Variants in ARHGEF3 observed in about 807,000 individuals in gnomAD.
The protein encoded by ARHGEF3 is Rho guanine nucleotide exchange factor 3.
A neutral mutation model predicts 63.2 loss-of-function variants in ARHGEF3; 28 were observed. The observed-to-expected ratio is 0.44, with a 90% CI of 0.33 to 0.61. The LOEUF (loss-of-function observed/expected upper bound fraction) is 0.61, where lower values mean the gene tolerates loss of function less well. ARHGEF3 is among the 20% of genes least tolerant of loss of function. The probability of loss-of-function intolerance (pLI) is 0.03; values close to 1 mark genes in which losing one functional copy is unlikely to be tolerated. For synonymous variants in ARHGEF3, 266 were observed against 254.2 expected (o/e 1.05, Z -0.44); for missense variants, 533 against 659.3 (o/e 0.81, Z 2.10).
chr3:56,819,162 C>A (rs182424689), intron 4 of ARHGEF3, among the ~76,000 whole-genome samples: 5 of 152,168 alleles, frequency 3.3e-5, no homozygotes, highest in Admixed American at 2.0e-4. Flanking sequence ...ATTCCCTGGG[C>A]CACAAAAAGG....
At chr3:56,804,957 T>C (rs1009048125), upstream of ARHGEF3, among the ~76,000 whole-genome samples, 2 of 152,180 alleles carry the variant, frequency 1.3e-5, no homozygotes, top group African/African-American at 4.8e-5. Context: ...AGCCACTTCT[T>C]ATTCCTCTTT....
At chr3:56,799,355 C>T (rs1249737213) in intron 1 of ARHGEF3, among the ~76,000 whole-genome samples, 1 of 152,212 alleles carries the variant, frequency 6.6e-6, no homozygotes, top group African/African-American at 2.4e-5. Context: ...AGCCATTACA[C>T]ACGGCCATTA....
chr3:56,733,984 CAAAAAAAAAA>C (rs777924213), intron 8 of ARHGEF3, among the ~76,000 whole-genome samples: 3 of 55,120 alleles, frequency 5.4e-5, no homozygotes, highest in Non-Finnish European at 7.0e-5. Context: ...AATTCTGTCT[CAAAAAAAAAA>C]AAAAAAAAAA....
intron 3 of ARHGEF3, among the ~76,000 whole-genome samples, chr3:56,921,638 C>T (rs569998687): frequency 1.2e-4 from 19 of 152,322 alleles, no homozygotes; most frequent in South Asian, 2.1e-4. Context: ...GAACTCTAGA[C>T]AAATGGAGCA....
At chr3:57,045,263 G>A (rs1047655318) in intron 1 of ARHGEF3, among the ~76,000 whole-genome samples, 1 of 152,190 alleles carries the variant, frequency 6.6e-6, no homozygotes, top group Non-Finnish European at 1.5e-5. Context: ...GCGAAACTCT[G>A]TCTCAAAACA....
At chr3:56,930,002 C>A (rs1472746403) in intron 3 of ARHGEF3, among the ~76,000 whole-genome samples, 1 of 152,062 alleles carries the variant, frequency 6.6e-6, no homozygotes, top group East Asian at 1.9e-4. Flanking sequence ...GGTGGCCAGC[C>A]CATTGCAGTG....
rs115304924 is a variant in ARHGEF3, at chr3:56,945,138, G to T, written c.129+13685C>A. On this transcript the variant is annotated intron_variant, in intron 3 of 12. Transcript: ENST00000338458. ...CTTATTTTAAGAAATTGCCAGGGGT[G>T]GAGCCAAGATGGCTGAATAGGAACA... Among the ~76,000 whole-genome samples the T allele has an allele frequency of 7.7e-4, 117 of 152,286 alleles. 1 individual carries two copies. Among genetic ancestry groups the T allele is most frequent in the African/African-American group, 2.6e-3 (106 of 41,562 alleles).
intron 4 of ARHGEF3, among the ~76,000 whole-genome samples, chr3:56,867,224 A>G (rs1578715709): frequency 6.6e-6 from 1 of 152,268 alleles, no homozygotes; most frequent in South Asian, 2.1e-4. Flanking sequence ...CATATGAACA[A>G]CCAAGTAGCC....
At chr3:56,804,925 A>G (rs2037807024), upstream of ARHGEF3, among the ~76,000 whole-genome samples, 1 of 152,162 alleles carries the variant, frequency 6.6e-6, no homozygotes, top group Non-Finnish European at 1.5e-5. Flanking sequence ...CTGGCCACCA[A>G]GAACCTGTGC....
chr3:56,814,587 T>C (rs975078250), intron 4 of ARHGEF3, among the ~76,000 whole-genome samples: 3 of 152,314 alleles, frequency 2.0e-5, no homozygotes, highest in African/African-American at 7.2e-5. Context: ...TAAGATAATA[T>C]GTATGTCAGA....
intron 8 of ARHGEF3, among the ~76,000 whole-genome samples, chr3:56,734,473 C>T (rs1056424453): frequency 6.6e-6 from 1 of 152,140 alleles, no homozygotes; most frequent in African/African-American, 2.4e-5. Context: ...CTATCGAGTA[C>T]TATGTTACTA....
intron 4 of ARHGEF3, among the ~76,000 whole-genome samples, chr3:56,849,704 A>G (rs551630775): frequency 6.6e-6 from 1 of 152,280 alleles, no homozygotes; most frequent in Non-Finnish European, 1.5e-5. Flanking sequence ...CAGACAAAGA[A>G]AACACAGTTT....
At chr3:56,896,210 A>AT in intron 3 of ARHGEF3, among the ~76,000 whole-genome samples, 1 of 152,332 alleles carries the variant, frequency 6.6e-6, no homozygotes, top group Middle Eastern at 3.4e-3. Flanking sequence ...GCAAGTCCAG[A>AT]ATAAGATACT....
chr3:56,975,473 C>G (rs1331776362), intron 2 of ARHGEF3, among the ~76,000 whole-genome samples: 1 of 152,110 alleles, frequency 6.6e-6, no homozygotes, highest in African/African-American at 2.4e-5. Context: ...ACAGAGGGCT[C>G]ACTGTGTCAT....
intron 9 of ARHGEF3, among the ~76,000 whole-genome samples, chr3:56,730,943 G>A (rs1371303100): frequency 1.3e-5 from 2 of 152,190 alleles, no homozygotes; most frequent in African/African-American, 4.8e-5. Flanking sequence ...TCTTGGGCAA[G>A]TACCTTAAAT....
intron 4 of ARHGEF3, among the ~76,000 whole-genome samples, chr3:56,818,576 A>C (rs993033151): frequency 6.6e-6 from 1 of 152,242 alleles, no homozygotes; most frequent in African/African-American, 2.4e-5. Context: ...AAGATGTATG[A>C]ATATCTCAAA....
At chr3:56,886,184 T>A (rs968066531) in intron 3 of ARHGEF3, among the ~76,000 whole-genome samples, 3 of 152,128 alleles carry the variant, frequency 2.0e-5, no homozygotes, top group African/African-American at 7.2e-5. Context: ...GTTTTCTGGG[T>A]TTTGGTTGAC....
At chr3:56,948,216 G>C (rs1459047775) in intron 3 of ARHGEF3, among the ~76,000 whole-genome samples, 1 of 152,140 alleles carries the variant, frequency 6.6e-6, no homozygotes, top group East Asian at 1.9e-4. Context: ...ACAATTAAAA[G>C]AACTAGAGAA....
At chr3:56,767,613 A>G (rs1334934364) in intron 2 of ARHGEF3, among the ~76,000 whole-genome samples, 5 of 150,670 alleles carry the variant, frequency 3.3e-5, no homozygotes, top group African/African-American at 1.2e-4. Context: ...AAAAATGCAC[A>G]TGCAAGTATA....
Sources: gnomAD v4.1 joint callset for allele counts (sites outside exome capture counted in the v4.1 genomes callset) on GRCh38, gnomAD v4.1.1 for gene constraint, MANE v1.5 for transcripts, NCBI Gene and HGNC (gene_info 2026-07-23, HGNC 2026-07-21) for gene names.